OTOG: variants seen among roughly 807,000 people sequenced by gnomAD.
The protein encoded by OTOG is otogelin.
OTOG carries 296 observed loss-of-function variants against 313.8 expected under a neutral mutation model. That is an observed-to-expected ratio of 0.94 (90% CI 0.86 to 1.04). The LOEUF (loss-of-function observed/expected upper bound fraction) is 1.04, where lower values mean the gene tolerates loss of function less well. Among genes scored for constraint, OTOG ranks in the 50% least tolerant of loss-of-function variants. OTOG has a pLI of 0.00. For synonymous variants in OTOG, 1,533 were observed against 1,554.9 expected, an observed-to-expected ratio of 0.99 and a Z score of 0.33; for missense variants, 3,948 against 3,840.1, an observed-to-expected ratio of 1.03 and a Z score of -0.74.
chr11:17,584,369 C>T (rs1470100709), intron 23 of OTOG, among the ~76,000 whole-genome samples: 1 of 152,134 alleles, frequency 6.6e-6, no homozygotes, highest in Non-Finnish European at 1.5e-5. Context: ...AAATCATTGC[C>T]TTCGTCTTGT....
intron 32 of OTOG, among the ~76,000 whole-genome samples, chr11:17,604,954 C>A (rs1310493721): frequency 2.0e-5 from 3 of 152,242 alleles, no homozygotes; most frequent in Non-Finnish European, 4.4e-5. Context: ...GACAGGGACA[C>A]TATCGTCCCT....
At chr11:17,564,554 A>G (rs758996597) in intron 15 of OTOG, among the ~76,000 whole-genome samples, 1 of 152,212 alleles carries the variant, frequency 6.6e-6, no homozygotes, top group African/African-American at 2.4e-5. Context: ...TTGGCAACTG[A>G]CTGACTGTGT....
At position 17,632,177 on chromosome 11, in the gene OTOG, G is replaced by A; in HGVS notation, c.7023G>A (p.Met2341Ile). 1 of 1,551,156 alleles carries A rather than the reference G, an allele frequency of 6.4e-7. No homozygotes were observed. The highest frequency in any genetic ancestry group is 2.0e-5 in the Admixed American group (1 of 51,010). The change falls in exon 42 of 56, where the codon ATG (methionine) becomes ATA (isoleucine). Residue 2341 changes from methionine (M) to isoleucine (I), a missense_variant. Physicochemically the swap from Met to Ile is conservative, Grantham distance 10. Transcript: ENST00000399397. ...TGGCCCTGACTGTGTACGTGGCCAT[G>A]TGCCACAAATTTCATGTGTGCATCG... is the stretch of plus-strand genomic sequence containing the variant. ...PCVALTVYVA[M>I]CHKFHVCIEW...
Position 17,559,141 on chromosome 11 carries a change from G to A in OTOG, c.1193G>A (p.Arg398Lys), listed in dbSNP as rs1243303175. The A allele has an allele frequency of 1.3e-6, 2 of 1,539,918 alleles. No individual in the cohort carries two copies. The highest frequency in any genetic ancestry group is 1.2e-5 in the South Asian group (1 of 84,014). The part of the protein sequence containing the change: ...AQAGRPLQGW[R>K]TQLRQCTVHC... ...GCAGGGCGGCCCTTGCAAGGCTGGA[G>A]GACCCAGCTCCGGCAATGCAGTAGG... The change falls in exon 11 of 56, where the codon AGG becomes AAG. Residue 398 changes from arginine (R) to lysine (K), a missense_variant. Physicochemically the swap from Arg to Lys is conservative, Grantham distance 26. Transcript: ENST00000399397.
chr11:17,554,830 T>C (rs1406782609), intron 6 of OTOG, among the ~76,000 whole-genome samples: 1 of 152,210 alleles, frequency 6.6e-6, no homozygotes, highest in African/African-American at 2.4e-5. Flanking sequence ...AAAATCAACT[T>C]AACGAATCAC....
In OTOG at chr11:17,586,484, C is replaced by T; in HGVS notation, c.2770C>T (p.His924Tyr). 1 of 1,428,994 alleles carries T rather than the reference C, an allele frequency of 7.0e-7. No individual in the cohort carries two copies. Among genetic ancestry groups the T allele is most frequent in the Non-Finnish European group, 9.2e-7 (1 of 1,086,598 alleles). 88.5% of individuals were successfully genotyped at this position (1,428,994 alleles called of 1,614,324 possible). A position where few individuals can be genotyped will look rare whatever the true frequency, so the allele number is the denominator to read the frequency against. Residue 924 changes from histidine (H) to tyrosine (Y), a missense_variant, in exon 24 of 56, where the codon CAC becomes TAC. Physicochemically the swap from His to Tyr is moderately conservative, Grantham distance 83. Transcript: ENST00000399397. Reference sequence around the variant, plus strand: ...GCTGTGTCTCTACAGTCTGCTCAGACACGGGGATGCATGTTTCCTGCCAGA... The same window carrying T: ...GCTGTGTCTCTACAGTCTGCTCAGATACGGGGATGCATGTTTCCTGCCAGA... Reference protein sequence around the residue: ...GCACPQGLLRHGDACFLPEEC... With the variant: ...GCACPQGLLRYGDACFLPEEC...
chr11:17,632,919 C>A (rs942853336), intron 42 of OTOG, among the ~76,000 whole-genome samples: 8 of 152,040 alleles, frequency 5.3e-5, no homozygotes, highest in African/African-American at 1.7e-4. Context: ...CCCAACTCAG[C>A]GGGTATGAAA....
At chr11:17,583,199 A>C (rs1852713969) in intron 23 of OTOG, among the ~76,000 whole-genome samples, 1 of 152,164 alleles carries the variant, frequency 6.6e-6, no homozygotes, top group Non-Finnish European at 1.5e-5. Context: ...CAGTGGTGCC[A>C]TCACGGCTCA....
At chr11:17,605,773 G>A in intron 32 of OTOG, 84 bp from the exon 33 acceptor site, 6 of 1,415,370 alleles carry the variant, frequency 4.2e-6, no homozygotes, top group Middle Eastern at 1.8e-4. Context: ...GAGTCGCTGA[G>A]AGAGCAGATG....
chr11:17,557,911 A>T (rs1056905737), intron 8 of OTOG, among the ~76,000 whole-genome samples: 4 of 152,152 alleles, frequency 2.6e-5, no homozygotes, highest in African/African-American at 9.7e-5. Context: ...CTCACACACC[A>T]GTTCTCTTTC....
chr11:17,569,367 G>A, intron 16 of OTOG, 79 bp downstream of exon 16: 1 of 1,525,246 alleles, frequency 6.6e-7, no homozygotes, highest in Non-Finnish European at 8.9e-7. Flanking sequence ...CTGGCTAAAA[G>A]CACTGCTACC....
intron 24 of OTOG, among the ~76,000 whole-genome samples, chr11:17,590,702 C>A (rs1248938083): frequency 1.3e-5 from 2 of 152,234 alleles, no homozygotes; most frequent in African/African-American, 2.4e-5. Flanking sequence ...TGTCACCTGA[C>A]CGTCCGTCGC....
rs1264954128 is a variant in OTOG at position 17,548,144 on chromosome 11, TC to T, written c.156-6del. On this transcript the variant is annotated splice_region_variant and splice_polypyrimidine_tract_variant and intron_variant, in intron 2 of 55. Transcript: ENST00000399397. ...CCCCCATCCATGCCAGACTCGTGTT[TC>T]CTCCAGCAGCAGCCACCAGGAGGCG... 1.9e-6 allele frequency: 3 copies of T among 1,545,658 alleles called. No homozygotes were observed. Among genetic ancestry groups the T allele is most frequent in the Non-Finnish European group, 2.6e-6 (3 of 1,144,028 alleles).
At chr11:17,626,821 A>C in intron 39 of OTOG, among the ~76,000 whole-genome samples, 1 of 112,392 alleles carries the variant, frequency 8.9e-6, no homozygotes, top group East Asian at 1.9e-4. Context: ...TTCATCATAA[A>C]GCTCTTTCAC....
intron 10 of OTOG, 70 bp from the exon 11 acceptor site, chr11:17,558,982 C>T: frequency 8.0e-7 from 1 of 1,245,402 alleles, no homozygotes; most frequent in Non-Finnish European, 1.1e-6. Context: ...CTGGCAGTGT[C>T]TATGGGATGC....
rs1852255045 is a variant in OTOG, at chr11:17,564,332, C to T, written c.1644+2525C>T. Among the ~76,000 whole-genome samples the T allele has an allele frequency of 2.0e-5, 3 of 152,212 alleles. No homozygotes were observed. In the South Asian group the frequency reaches 6.2e-4, roughly 32 times the overall value. ...GGGGAGTTCTGTGGAAGAAATAGTC[C>T]TATAGGTCAGAAAAAAGGATCAGGG... On this transcript the variant is annotated intron_variant, in intron 15 of 55. Coordinates refer to ENST00000399397, the MANE Select transcript of OTOG (RefSeq NM_001292063.2).
intron 32 of OTOG, among the ~76,000 whole-genome samples, chr11:17,603,779 C>T (rs1259744665): frequency 6.6e-6 from 1 of 152,228 alleles, no homozygotes; most frequent in Non-Finnish European, 1.5e-5. Flanking sequence ...GGAAACATCA[C>T]AGAGGGGAGG....
At chr11:17,547,609 C>T (rs1471374609) in intron 1 of OTOG, 143 bp downstream of exon 1, 6 of 1,262,612 alleles carry the variant, frequency 4.8e-6, no homozygotes, top group Non-Finnish European at 6.0e-6. Context: ...GAGGAGCAGT[C>T]AGGGGAGGAG....
chr11:17,570,627 G>A (rs557425633), intron 17 of OTOG: 27 of 413,004 alleles, frequency 6.5e-5, no homozygotes, highest in East Asian at 1.6e-4. Context: ...CCTGAGTCCC[G>A]CTCCCCAGGA....
Sources: gnomAD v4.1 joint callset for allele counts (sites outside exome capture counted in the v4.1 genomes callset) on GRCh38, gnomAD v4.1.1 for gene constraint, MANE v1.5 for transcripts, NCBI Gene and HGNC (gene_info 2026-07-23, HGNC 2026-07-21) for gene names.